ADRA1A: variants seen among roughly 807,000 people sequenced by gnomAD.
ADRA1A encodes adrenoceptor alpha 1A, also known as alpha-1A adrenergic receptor.
In ADRA1A, 31 loss-of-function variants were observed where a neutral mutation model predicts 29.6. That is an observed-to-expected ratio of 1.05 (90% CI 0.79 to 1.41). The LOEUF is 1.41. Among genes scored for constraint, ADRA1A ranks in the 40% most tolerant of loss-of-function variants. The pLI is 0.00. For missense variants in ADRA1A, 619 were observed against 601.1 expected (o/e 1.03, Z -0.31); for synonymous variants, 311 against 254.3 (o/e 1.22, Z -2.12).
intron 2 of ADRA1A, 44 bp from the exon 3 acceptor site, chr8:26,770,710 G>C (rs962792005): frequency 1.9e-6 from 3 of 1,542,742 alleles, no homozygotes; most frequent in Non-Finnish European, 2.6e-6. Context: ...TTGAAAGCCA[G>C]CAAGCCAATT....
chr8:26,758,624 A>G (rs574107519), intron 2 of ADRA1A, among the ~76,000 whole-genome samples: 25 of 152,304 alleles, frequency 1.6e-4, no homozygotes, highest in Non-Finnish European at 2.1e-4. Context: ...AGAGATGGGA[A>G]CTGCAATGAA....
At chr8:26,853,724 A>G (rs1812798289) in intron 2 of ADRA1A, 1 of 152,222 alleles carries the variant, frequency 6.6e-6, no homozygotes, top group Non-Finnish European at 1.5e-5. Context: ...AATTCCAGGT[A>G]GATTACAAAT....
At chr8:26,810,428 T>C (rs1809296620) in intron 2 of ADRA1A, among the ~76,000 whole-genome samples, 2 of 152,232 alleles carry the variant, frequency 1.3e-5, no homozygotes, top group South Asian at 4.1e-4. Flanking sequence ...TGAAACCATC[T>C]GCTAGAATCT....
chr8:26,844,190 G>A (rs892671165), intron 2 of ADRA1A, among the ~76,000 whole-genome samples: 2 of 152,156 alleles, frequency 1.3e-5, no homozygotes, highest in African/African-American at 2.4e-5. Context: ...AAATATTTCT[G>A]CAACACAACG....
intron 2 of ADRA1A, among the ~76,000 whole-genome samples, chr8:26,817,329 CAAT>C (rs1311687783): frequency 6.6e-6 from 1 of 152,078 alleles, no homozygotes; most frequent in South Asian, 2.1e-4. Flanking sequence ...ACTAAAGCAA[CAAT>C]GAGATACCAT....
At chr8:26,760,320 G>C (rs1353951750) in intron 2 of ADRA1A, among the ~76,000 whole-genome samples, 1 of 152,184 alleles carries the variant, frequency 6.6e-6, no homozygotes, top group Non-Finnish European at 1.5e-5. Flanking sequence ...CAGGGCAGCA[G>C]GACCGTCTCA....
chr8:26,755,702 G>A (rs1289976227), downstream of ADRA1A, among the ~76,000 whole-genome samples: 2 of 152,110 alleles, frequency 1.3e-5, no homozygotes, highest in African/African-American at 4.8e-5. Context: ...AAGCTCCCAT[G>A]GCACTGTATT....
In ADRA1A at chr8:26,841,800, T is replaced by A. The variant is rs909827499; in HGVS notation, c.883+22287A>T. Among the ~76,000 whole-genome samples the A allele has an allele frequency of 3.3e-5, 5 of 151,624 alleles. No homozygotes were observed. The highest frequency in any genetic ancestry group is 1.2e-4 in the African/African-American group (5 of 40,932). On this transcript the variant is annotated intron_variant, in intron 2 of 2. Coordinates refer to ENST00000380573, the MANE Select transcript of ADRA1A (RefSeq NM_000680.4). The surrounding 1 kb of genome is among the most constrained non-coding windows in gnomAD (Gnocchi z 4.4). ...ATGACCTCAGATTACTAAACGCTAT[T>A]TTTTTTCTCCTTTTCTTTCCCCTTG...
At chr8:26,846,187 T>C (rs1055651102) in intron 2 of ADRA1A, among the ~76,000 whole-genome samples, 1 of 152,228 alleles carries the variant, frequency 6.6e-6, no homozygotes, top group African/African-American at 2.4e-5. Context: ...GTGTTTTGTT[T>C]TGTTTTGAAT....
downstream of ADRA1A, among the ~76,000 whole-genome samples, chr8:26,761,598 G>C (rs1320874596): frequency 6.6e-6 from 1 of 152,222 alleles, no homozygotes; most frequent in Non-Finnish European, 1.5e-5. Context: ...GTCAAGGAGA[G>C]ATACCTCACA....
chr8:26,791,878 T>C (rs1180050565), intron 2 of ADRA1A, among the ~76,000 whole-genome samples: 4 of 152,172 alleles, frequency 2.6e-5, no homozygotes, highest in African/African-American at 9.6e-5. Context: ...ACATGTAATC[T>C]AAAGGATACT....
intron 2 of ADRA1A, among the ~76,000 whole-genome samples, chr8:26,757,521 C>CA (rs1419079042): frequency 5.3e-5 from 8 of 151,810 alleles, no homozygotes; most frequent in Non-Finnish European, 7.4e-5. Context: ...TTCCCCCACC[C>CA]CCCACCTCTG....
At chr8:26,762,331 A>T (rs1407496270), downstream of ADRA1A, among the ~76,000 whole-genome samples, 1 of 152,112 alleles carries the variant, frequency 6.6e-6, no homozygotes, top group Non-Finnish European at 1.5e-5. This position sits in a 1 kb window ranked among gnomAD's most constrained non-coding sequence, Gnocchi z 4.0. Flanking sequence ...GGTAAAAGTC[A>T]TTGGGGGCCT....
chr8:26,851,531 T>G (rs943259638), intron 2 of ADRA1A, among the ~76,000 whole-genome samples: 4 of 152,148 alleles, frequency 2.6e-5, no homozygotes, highest in African/African-American at 9.7e-5. Context: ...CAAATACCCA[T>G]ATTAGAAACA....
At chr8:26,765,552 T>C (rs1231699697), downstream of ADRA1A, among the ~76,000 whole-genome samples, 1 of 152,258 alleles carries the variant, frequency 6.6e-6, no homozygotes, top group Non-Finnish European at 1.5e-5. Context: ...CCACTGGAGC[T>C]GTGCGCAGGT....
At chr8:26,789,736 A>G (rs901245265) in intron 2 of ADRA1A, among the ~76,000 whole-genome samples, 1 of 152,220 alleles carries the variant, frequency 6.6e-6, no homozygotes, top group Non-Finnish European at 1.5e-5. Flanking sequence ...ATTAATATCC[A>G]GAATATAAAC....
downstream of ADRA1A, chr8:26,756,257 C>G: frequency 3.2e-6 from 1 of 311,358 alleles, no homozygotes; most frequent in Non-Finnish European, 5.5e-6. Flanking sequence ...TCTTTTTACA[C>G]TTTGTTTCAA....
At chr8:26,790,737 A>G (rs950352435) in intron 2 of ADRA1A, among the ~76,000 whole-genome samples, 2 of 152,162 alleles carry the variant, frequency 1.3e-5, no homozygotes, top group African/African-American at 4.8e-5. Flanking sequence ...ATGTATGGTT[A>G]TTTTGTGTCA....
Position 26,794,353 on chromosome 8 carries a change from C to G in ADRA1A, c.884-23687G>C, listed in dbSNP as rs568474875. Among the ~76,000 whole-genome samples, 5 of 152,144 alleles carry G rather than the reference C, an allele frequency of 3.3e-5. 1 individual carries two copies. The highest frequency in any genetic ancestry group is 2.1e-4 in the South Asian group (1 of 4,822). The stretch of plus-strand genomic sequence containing the variant: ...ATTTAGGAGGAAAGAAGCCTGCTAT[C>G]TCTGGTAATAGATAGTCTGTGTGGT... On this transcript the variant is annotated intron_variant, in intron 2 of 2. Coordinates refer to ENST00000380573, the MANE Select transcript of ADRA1A (RefSeq NM_000680.4).
Sources: allele counts gnomAD v4.1 joint callset (sites outside exome capture counted in the v4.1 genomes callset), GRCh38; gene constraint gnomAD v4.1.1; non-coding constraint Gnocchi (gnomAD v3.1); transcripts MANE v1.5; gene names NCBI Gene and HGNC (gene_info 2026-07-23, HGNC 2026-07-21).